VEPH1: variants seen among roughly 807,000 people sequenced by gnomAD.
VEPH1 encodes ventricular zone-expressed PH domain-containing protein homolog 1.
A neutral mutation model predicts 85.2 loss-of-function variants in VEPH1; 80 were observed. That is an observed-to-expected ratio of 0.94 (90% CI 0.78 to 1.13). The LOEUF is 1.13. Ranked by LOEUF, VEPH1 falls within the 50% of genes most tolerant of loss-of-function variation. The pLI, the probability that VEPH1 is intolerant of heterozygous loss-of-function variation, is 0.00. For synonymous variants in VEPH1, 297 were observed against 348.0 expected (o/e 0.85, Z 1.63); for missense variants, 955 against 980.5 (o/e 0.97, Z 0.35).
chr3:157,417,476 T>C (rs1384511107), intron 5 of VEPH1, among the ~76,000 whole-genome samples: 1 of 152,180 alleles, frequency 6.6e-6, no homozygotes, highest in Non-Finnish European at 1.5e-5. Flanking sequence ...ACCAGAGTCA[T>C]AGCCCTTAAA....
intron 9 of VEPH1, among the ~76,000 whole-genome samples, chr3:157,338,455 T>C (rs1723185246): frequency 6.6e-6 from 1 of 152,336 alleles, no homozygotes; most frequent in South Asian, 2.1e-4. Flanking sequence ...TTCTAAACTA[T>C]TCCACATTTT....
At chr3:157,428,198 T>C (rs1732888062) in intron 5 of VEPH1, 124 bp downstream of exon 5, 2 of 1,034,860 alleles carry the variant, frequency 1.9e-6, no homozygotes, top group Non-Finnish European at 2.7e-6. Context: ...AGATGAGCGC[T>C]TTCACTTAAA....
rs189539621 is a variant in VEPH1, at chr3:157,459,833, C to T, written c.529+348G>A. The stretch of plus-strand genomic sequence containing the variant: ...ATGAAGACAGGTTTTTCATACCCCA[C>T]TGAGTGACGTGTTCCACTCAGTACA... On this transcript the variant is annotated intron_variant, in intron 4 of 13. Coordinates refer to ENST00000362010, the MANE Select transcript of VEPH1 (RefSeq NM_001167912.2). 17 of 1,516,546 alleles carry T rather than the reference C, an allele frequency of 1.1e-5. No individual in the cohort carries two copies. In the Admixed American group the frequency reaches 2.6e-4, roughly 23 times the overall value. 93.9% of individuals were successfully genotyped at this position (1,516,546 alleles called of 1,614,324 possible). A position where few individuals can be genotyped will look rare whatever the true frequency, so the allele number is the denominator to read the frequency against.
chr3:157,475,768 C>A (rs895365487), intron 2 of VEPH1, among the ~76,000 whole-genome samples: 1 of 152,178 alleles, frequency 6.6e-6, no homozygotes, highest in African/African-American at 2.4e-5. Context: ...TATGTATAGA[C>A]CTACTCAGGG....
intron 4 of VEPH1, among the ~76,000 whole-genome samples, chr3:157,457,665 A>G (rs781649045): frequency 1.3e-5 from 2 of 152,200 alleles, no homozygotes; most frequent in Non-Finnish European, 2.9e-5. Flanking sequence ...GTGATGAATC[A>G]CATTTATTGA....
At chr3:157,375,107 A>G (rs1391591963) in intron 7 of VEPH1, among the ~76,000 whole-genome samples, 1 of 152,200 alleles carries the variant, frequency 6.6e-6, no homozygotes, top group African/African-American at 2.4e-5. Context: ...TGAAGTTTCT[A>G]TTATCCCGAT....
chr3:157,475,766 G>A (rs1314658304), intron 2 of VEPH1, among the ~76,000 whole-genome samples: 1 of 152,182 alleles, frequency 6.6e-6, no homozygotes, highest in African/African-American at 2.4e-5. Context: ...CTTATGTATA[G>A]ACCTACTCAG....
intron 2 of VEPH1, among the ~76,000 whole-genome samples, chr3:157,478,309 C>G (rs1288114379): frequency 6.6e-6 from 1 of 152,132 alleles, no homozygotes; most frequent in African/African-American, 2.4e-5. Context: ...AATTTTTCCT[C>G]TGCCCAATCC....
intron 6 of VEPH1, among the ~76,000 whole-genome samples, chr3:157,400,911 C>T (rs1351389703): frequency 2.0e-5 from 3 of 152,064 alleles, no homozygotes; most frequent in African/African-American, 7.2e-5. Context: ...TGTGTGGGCT[C>T]AAGGGACCCA....
intron 9 of VEPH1, among the ~76,000 whole-genome samples, chr3:157,340,169 G>C (rs1241747987): frequency 6.6e-6 from 1 of 152,216 alleles, no homozygotes; most frequent in Non-Finnish European, 1.5e-5. Flanking sequence ...TTGTCAGACA[G>C]TGGATGCAGG....
intron 11 of VEPH1, among the ~76,000 whole-genome samples, chr3:157,296,280 C>T (rs1718132236): frequency 6.6e-6 from 1 of 152,200 alleles, no homozygotes; most frequent in African/African-American, 2.4e-5. Flanking sequence ...ATGGATATCA[C>T]ATTTCTGTAC....
At chr3:157,383,180 T>C (rs956590136) in intron 6 of VEPH1, among the ~76,000 whole-genome samples, 1 of 152,228 alleles carries the variant, frequency 6.6e-6, no homozygotes, top group Admixed American at 6.5e-5. Flanking sequence ...ACTCATGCTT[T>C]TATTTAATCA....
intron 4 of VEPH1, among the ~76,000 whole-genome samples, chr3:157,438,261 C>G (rs1047137342): frequency 1.3e-5 from 2 of 152,086 alleles, no homozygotes; most frequent in Non-Finnish European, 2.9e-5. Flanking sequence ...AGTCCACTGG[C>G]CCGTTATAAC....
intron 12 of VEPH1, among the ~76,000 whole-genome samples, chr3:157,284,325 T>C (rs1236603863): frequency 6.6e-6 from 1 of 152,198 alleles, no homozygotes; most frequent in African/African-American, 2.4e-5. Context: ...GAATTTCTTT[T>C]AGAGCAGAGA....
At chr3:157,387,126 T>C (rs150483606) in intron 6 of VEPH1, among the ~76,000 whole-genome samples, 1,976 of 152,288 alleles carry the variant, frequency 0.013, 38 homozygotes, top group African/African-American at 0.044. Context: ...CCACAGGCAG[T>C]AATTTGTTGA....
At chr3:157,443,284 A>G (rs1471006868) in intron 4 of VEPH1, 1 of 256,926 alleles carries the variant, frequency 3.9e-6, no homozygotes, top group Non-Finnish European at 7.4e-6. Flanking sequence ...CAGAGGGACA[A>G]TTGTTTTACT....
intron 11 of VEPH1, among the ~76,000 whole-genome samples, chr3:157,289,113 A>C (rs537662375): frequency 2.0e-5 from 3 of 152,378 alleles, no homozygotes; most frequent in Admixed American, 2.0e-4. Flanking sequence ...GCAGATGTTC[A>C]TAAGTATCAG....
chr3:157,410,326 G>A (rs912445946), intron 6 of VEPH1, among the ~76,000 whole-genome samples: 1 of 152,086 alleles, frequency 6.6e-6, no homozygotes, highest in African/African-American at 2.4e-5. Flanking sequence ...CATAGAAAGT[G>A]GTGGGGCTTT....
intron 2 of VEPH1, among the ~76,000 whole-genome samples, chr3:157,486,405 A>G (rs1560104930): frequency 6.6e-6 from 1 of 151,298 alleles, no homozygotes; most frequent in East Asian, 2.0e-4. Flanking sequence ...CTGAGGCAGG[A>G]GAATTGCTTG....
Sources: allele counts gnomAD v4.1 joint callset (sites outside exome capture counted in the v4.1 genomes callset), GRCh38; gene constraint gnomAD v4.1.1; transcripts MANE v1.5; gene names NCBI Gene and HGNC (gene_info 2026-07-23, HGNC 2026-07-21).